ARHGAP22: variants seen among roughly 807,000 people sequenced by gnomAD.
ARHGAP22 encodes rho GTPase-activating protein 22.
A neutral mutation model predicts 59.1 loss-of-function variants in ARHGAP22; 48 were observed. That is an observed-to-expected ratio of 0.81 (90% CI 0.64 to 1.03). The LOEUF (loss-of-function observed/expected upper bound fraction) is 1.03. Among genes scored for constraint, ARHGAP22 ranks in the 50% least tolerant of loss-of-function variants. ARHGAP22 has a pLI of 0.00. For missense variants in ARHGAP22, 1,015 were observed against 958.7 expected, an observed-to-expected ratio of 1.06 and a Z score of -0.78; for synonymous variants, 445 against 416.4, an observed-to-expected ratio of 1.07 and a Z score of -0.84.
chr10:48,455,192 T>A lies in ARHGAP22; in HGVS notation c.660-58A>T, dbSNP rs112440161. ...CTGGGATGCCAGGGGACTTCAGGGG[T>A]GACTGGTACGCCCTGACGCCAAGGG... On this transcript the variant is annotated intron_variant, in intron 5 of 9. Coordinates refer to ENST00000249601, the MANE Select transcript of ARHGAP22 (RefSeq NM_021226.4). The A allele has an allele frequency of 3.6e-4, 548 of 1,539,922 alleles. No homozygotes were observed. The African/African-American group carries it at 6.3e-3, about 18-fold the overall frequency.
At chr10:48,548,139 C>T (rs898263309) in intron 3 of ARHGAP22, among the ~76,000 whole-genome samples, 6 of 152,136 alleles carry the variant, frequency 3.9e-5, no homozygotes, top group Non-Finnish European at 8.8e-5. Context: ...CAGAGCCAGG[C>T]GAGATTCAAC....
chr10:48,554,220 G>A (rs968024592), intron 3 of ARHGAP22, among the ~76,000 whole-genome samples: 4 of 152,176 alleles, frequency 2.6e-5, no homozygotes, highest in African/African-American at 9.7e-5. Context: ...GTGCCCCTGC[G>A]AACTCTGGTA....
chr10:48,586,405 C>T (rs996332300), intron 1 of ARHGAP22, among the ~76,000 whole-genome samples: 2 of 152,150 alleles, frequency 1.3e-5, no homozygotes, highest in African/African-American at 2.4e-5. Flanking sequence ...CTTAGACGTA[C>T]AGGTGCCTAG....
chr10:48,441,033 CA>C, the ARHGAP22 span, among the ~76,000 whole-genome samples: 1 of 152,178 alleles, frequency 6.6e-6, no homozygotes, highest in African/African-American at 2.4e-5. Flanking sequence ...TTGTACATCT[CA>C]GTTTGAAATG....
At chr10:48,643,758 A>ATAT (rs1361571484) in intron 1 of ARHGAP22, among the ~76,000 whole-genome samples, 1 of 143,278 alleles carries the variant, frequency 7.0e-6, no homozygotes, top group African/African-American at 2.7e-5. Context: ...TAATTAAAAA[A>ATAT]AAAAAAATAT....
chr10:48,458,252 A>G (rs546234511), intron 5 of ARHGAP22, among the ~76,000 whole-genome samples: 2 of 152,226 alleles, frequency 1.3e-5, no homozygotes, highest in South Asian at 2.1e-4. Flanking sequence ...GAGAAGGCAG[A>G]CAGGGGAGGG....
At chr10:48,656,265 T>TGGGGGGGGGGGGGGG (rs760924651), upstream of ARHGAP22, 4 of 101,638 alleles carry the variant, frequency 3.9e-5, no homozygotes, top group African/African-American at 1.1e-4. Flanking sequence ...TCGGCGCCTC[T>TGGGGGGGGGGGGGGG]GGGGGGGGGG....
chr10:48,454,869 C>G, intron 6 of ARHGAP22, 133 bp downstream of exon 6: 1 of 1,207,258 alleles, frequency 8.3e-7, no homozygotes, highest in Non-Finnish European at 1.1e-6. Flanking sequence ...CCCCACCACA[C>G]CCCCAACACA....
At position 48,450,601 on chromosome 10, in the gene ARHGAP22, T is replaced by G; in HGVS notation, c.1528A>C (p.Met510Leu). ...CTGGACGAGGCCCCGGACCACGCCA[T>G]ACTGGCCACGCTGGGTATGCCGGGG... ...LVPGIPSVASMAWSGASSSES... is the reference protein window; with the variant it reads ...LVPGIPSVASLAWSGASSSES... Residue 510 changes from methionine to leucine, a missense_variant, in exon 9 of 10, where the codon ATG becomes CTG. Coordinates refer to ENST00000249601, the MANE Select transcript of ARHGAP22 (RefSeq NM_021226.4). 3.9e-6 allele frequency: 6 copies of G among 1,547,396 alleles called. No individual in the cohort carries two copies. The highest frequency in any genetic ancestry group is 5.2e-6 in the Non-Finnish European group (6 of 1,146,626).
At chr10:48,472,321 C>G (rs935228952) in intron 4 of ARHGAP22, among the ~76,000 whole-genome samples, 4 of 150,272 alleles carry the variant, frequency 2.7e-5, no homozygotes, top group East Asian at 2.0e-4. Context: ...GTCAGGAGTT[C>G]GAGACCAGCC....
intron 3 of ARHGAP22, among the ~76,000 whole-genome samples, chr10:48,513,654 G>A (rs548438854): frequency 1.3e-5 from 2 of 152,276 alleles, no homozygotes; most frequent in East Asian, 3.9e-4. Context: ...AGCTACAACA[G>A]CAACCTGAGG....
intron 1 of ARHGAP22, among the ~76,000 whole-genome samples, chr10:48,628,574 C>T (rs1184551407): frequency 1.3e-5 from 2 of 152,280 alleles, no homozygotes; most frequent in African/African-American, 4.8e-5. Context: ...CACCTTGAGG[C>T]TCCAAACCAC....
chr10:48,558,969 C>A (rs1202315391), intron 2 of ARHGAP22, among the ~76,000 whole-genome samples: 2 of 152,262 alleles, frequency 1.3e-5, no homozygotes, highest in Non-Finnish European at 2.9e-5. Context: ...GATTTGATAT[C>A]TGGCCCCATG....
chr10:48,470,280 AG>A (rs759092603), intron 4 of ARHGAP22, among the ~76,000 whole-genome samples: 5 of 152,222 alleles, frequency 3.3e-5, no homozygotes, highest in Admixed American at 2.0e-4. Context: ...TGACCTTTGC[AG>A]GAAGCAGTAG....
intron 8 of ARHGAP22, chr10:48,451,638 A>G (rs984799011): frequency 1.5e-6 from 1 of 675,038 alleles, no homozygotes; most frequent in African/African-American, 1.8e-5. Context: ...ACAATTGCAC[A>G]CACAATGCAC....
chr10:48,600,208 C>T (rs1348389970), intron 1 of ARHGAP22, among the ~76,000 whole-genome samples: 1 of 152,192 alleles, frequency 6.6e-6, no homozygotes, highest in Non-Finnish European at 1.5e-5. Context: ...ACTTTCCTTC[C>T]TTCCTTAAAG....
intron 1 of ARHGAP22, among the ~76,000 whole-genome samples, chr10:48,626,974 T>A (rs375757665): frequency 6.6e-6 from 1 of 152,136 alleles, no homozygotes; most frequent in East Asian, 1.9e-4. Flanking sequence ...TTGAGTCCAA[T>A]CACCAATGAC....
chr10:48,573,321 A>T (rs904830997), intron 2 of ARHGAP22, among the ~76,000 whole-genome samples: 1 of 152,204 alleles, frequency 6.6e-6, no homozygotes, highest in Non-Finnish European at 1.5e-5. Flanking sequence ...CTCAACTTAC[A>T]AGGAGGAAAC....
chr10:48,560,870 C>A (rs533453284), intron 2 of ARHGAP22, among the ~76,000 whole-genome samples: 1 of 152,090 alleles, frequency 6.6e-6, no homozygotes, highest in East Asian at 1.9e-4. Context: ...TATGTATTTT[C>A]TTTTTTATGT....
Sources: allele counts gnomAD v4.1 joint callset (sites outside exome capture counted in the v4.1 genomes callset), GRCh38; gene constraint gnomAD v4.1.1; transcripts MANE v1.5; gene names NCBI Gene and HGNC (gene_info 2026-07-23, HGNC 2026-07-21).